Variants in FAM135B observed in about 807,000 individuals in gnomAD.
FAM135B encodes protein FAM135B.
A neutral mutation model predicts 127.7 loss-of-function variants in FAM135B; 43 were observed. The observed-to-expected ratio is 0.34, with a 90% confidence interval of 0.26 to 0.43. The LOEUF is 0.43. Ranked by LOEUF, FAM135B falls within the 20% of genes least tolerant of loss-of-function variation. FAM135B has a pLI of 1.00. For synonymous variants in FAM135B, 670 were observed against 665.1 expected, an observed-to-expected ratio of 1.01 and a Z score of -0.11; for missense variants, 1,558 against 1,725.6, an observed-to-expected ratio of 0.90 and a Z score of 1.72.
intron 4 of FAM135B, among the ~76,000 whole-genome samples, chr8:138,258,803 C>CCACACACACACACACACCACACA (rs1554646337): frequency 1.4e-5 from 2 of 146,526 alleles, no homozygotes; most frequent in Non-Finnish European, 3.0e-5. Context: ...GACACACACA[C>CCACACACACACACACACCACACA]CACACACACA....
At chr8:138,194,475 T>C (rs576293357) in intron 9 of FAM135B, among the ~76,000 whole-genome samples, 10 of 152,336 alleles carry the variant, frequency 6.6e-5, no homozygotes, top group Admixed American at 1.3e-4. Context: ...CAATCCCAGA[T>C]ACTCTGTTTC....
At chr8:138,469,711 A>G (rs1381822162) in intron 1 of FAM135B, among the ~76,000 whole-genome samples, 4 of 152,174 alleles carry the variant, frequency 2.6e-5, no homozygotes, top group African/African-American at 9.7e-5. Flanking sequence ...AGAAGATACA[A>G]CTTCTCTGAA....
At chr8:138,403,276 C>T (rs1169506996) in intron 1 of FAM135B, among the ~76,000 whole-genome samples, 2 of 152,096 alleles carry the variant, frequency 1.3e-5, no homozygotes, top group East Asian at 3.9e-4. Context: ...CTTCAAATGT[C>T]CAGACAAAGC....
intron 2 of FAM135B, among the ~76,000 whole-genome samples, chr8:138,350,558 G>C (rs1218547128): frequency 6.6e-6 from 1 of 151,916 alleles, no homozygotes; most frequent in Admixed American, 6.6e-5. Context: ...TATTGCTGCT[G>C]TAAAAATCCC....
chr8:138,396,449 A>G (rs986052915), intron 1 of FAM135B, among the ~76,000 whole-genome samples: 1 of 152,196 alleles, frequency 6.6e-6, no homozygotes, highest in African/African-American at 2.4e-5. Flanking sequence ...CCAATGACTC[A>G]GGGCAAGAGT....
chr8:138,472,310 A>T (rs1370252365), intron 1 of FAM135B, among the ~76,000 whole-genome samples: 1 of 152,180 alleles, frequency 6.6e-6, no homozygotes, highest in Non-Finnish European at 1.5e-5. Flanking sequence ...ACAGGGAACA[A>T]GTTCCTTGAA....
In FAM135B at chr8:138,251,128, G is replaced by A. The variant is rs141837971; in HGVS notation, c.369-114C>T. 205 of 1,188,876 alleles carry A rather than the reference G, an allele frequency of 1.7e-4. 1 individual carries two copies. The African/African-American group carries it at 2.3e-3, about 13-fold the overall frequency. The allele number at this position is 1,188,876 out of a possible 1,614,324, so 73.6% of individuals were successfully genotyped here. A position where few individuals can be genotyped will look rare whatever the true frequency, so the allele number is the denominator to read the frequency against. ...CCAAGCACCATGCATACATCATCTC[G>A]TTCAATCCTGCAAATGCTCTGCCTG... is the stretch of plus-strand genomic sequence containing the variant. On this transcript the variant is annotated intron_variant, in intron 5 of 19. Transcript: ENST00000395297.
chr8:138,371,720 T>C (rs190570117), intron 1 of FAM135B, among the ~76,000 whole-genome samples: 10 of 152,248 alleles, frequency 6.6e-5, no homozygotes, highest in Non-Finnish European at 1.2e-4. Flanking sequence ...CATGAGCATG[T>C]ACCATACACA....
chr8:138,310,313 G>C (rs1472789455), intron 3 of FAM135B, among the ~76,000 whole-genome samples: 2 of 152,060 alleles, frequency 1.3e-5, no homozygotes, highest in African/African-American at 4.8e-5. Flanking sequence ...AACACTCTGT[G>C]ATAGACTACC....
At chr8:138,440,103 C>T (rs1835676952) in intron 1 of FAM135B, 1 of 152,194 alleles carries the variant, frequency 6.6e-6, no homozygotes, top group African/African-American at 2.4e-5. Flanking sequence ...ACTTGACAAG[C>T]TCACCAGGTT....
chr8:138,131,078 C>T lies in FAM135B; in HGVS notation c.*1515G>A, dbSNP rs1476807572. The T allele has an allele frequency of 6.6e-6, 1 of 152,142 alleles. No homozygotes were observed. Among genetic ancestry groups the T allele is most frequent in the Non-Finnish European group, 1.5e-5 (1 of 68,032 alleles). The allele number at this position is 152,142 out of a possible 1,614,324, so 9.4% of individuals were successfully genotyped here. On this transcript the variant is annotated 3_prime_UTR_variant, in exon 20 of 20. Transcript: ENST00000395297. ...ATGGTCTGCTTTTATTTTTCAAAGT[C>T]ACATTGTTAACATAAGAGGATCTAA... is the stretch of plus-strand genomic sequence containing the variant.
At chr8:138,246,579 G>A (rs1023132523) in intron 6 of FAM135B, among the ~76,000 whole-genome samples, 1 of 152,232 alleles carries the variant, frequency 6.6e-6, no homozygotes, top group African/African-American at 2.4e-5. Flanking sequence ...AGGCTATATG[G>A]AAACTCCTGG....
At chr8:138,207,422 C>A (rs577779981) in intron 7 of FAM135B, among the ~76,000 whole-genome samples, 1 of 152,138 alleles carries the variant, frequency 6.6e-6, no homozygotes, top group African/African-American at 2.4e-5. Context: ...GTTGGTCAGG[C>A]TGGTCTTGAA....
In FAM135B at chr8:138,380,866, C is replaced by T. The variant is rs185742631; in HGVS notation, c.-19-12864G>A. ...TTCCTTCCTCTTAACATGCAGACATCGGGTAATGGATAACATCAGGGTATC... is the reference window on the plus strand; with the variant it reads ...TTCCTTCCTCTTAACATGCAGACATTGGGTAATGGATAACATCAGGGTATC... On this transcript the variant is annotated intron_variant, in intron 1 of 19. Coordinates refer to ENST00000395297, the MANE Select transcript of FAM135B (RefSeq NM_015912.4). Among the ~76,000 whole-genome samples the T allele has an allele frequency of 4.6e-5, 7 of 151,856 alleles. No homozygotes were observed. In the East Asian group the frequency reaches 1.2e-3, roughly 25 times the overall value.
At chr8:138,263,133 T>A (rs1343475508) in intron 4 of FAM135B, among the ~76,000 whole-genome samples, 1 of 151,878 alleles carries the variant, frequency 6.6e-6, no homozygotes, top group East Asian at 1.9e-4. Context: ...TGAAGAAAAA[T>A]TAAAATTAAA....
At chr8:138,380,192 TTTTC>T (rs201370282) in intron 1 of FAM135B, among the ~76,000 whole-genome samples, 2,463 of 151,838 alleles carry the variant, frequency 0.016, 62 homozygotes, top group African/African-American at 0.056. Flanking sequence ...TTTTCTTTTC[TTTTC>T]TTTCTTTCTT....
At chr8:138,314,896 A>C (rs927671582) in intron 2 of FAM135B, among the ~76,000 whole-genome samples, 2 of 150,442 alleles carry the variant, frequency 1.3e-5, no homozygotes, top group Non-Finnish European at 3.0e-5. Flanking sequence ...AAAAAAAAAA[A>C]AAAAAATTCG....
intron 12 of FAM135B, among the ~76,000 whole-genome samples, chr8:138,161,667 T>C (rs1247697786): frequency 1.3e-5 from 2 of 152,028 alleles, no homozygotes; most frequent in African/African-American, 4.8e-5. Flanking sequence ...TTGAATGAAG[T>C]TTATGATTGC....
At chr8:138,372,779 G>C (rs565709057) in intron 1 of FAM135B, among the ~76,000 whole-genome samples, 1 of 152,166 alleles carries the variant, frequency 6.6e-6, no homozygotes, top group African/African-American at 2.4e-5. Context: ...AGCCTTGTTT[G>C]GTTTTCACTC....
Sources: allele counts gnomAD v4.1 joint callset (sites outside exome capture counted in the v4.1 genomes callset), GRCh38; gene constraint gnomAD v4.1.1; transcripts MANE v1.5; gene names NCBI Gene and HGNC (gene_info 2026-07-23, HGNC 2026-07-21).